NAV3: variants seen among roughly 807,000 people sequenced by gnomAD.
The protein encoded by NAV3 is pore membrane and/or filament interacting like protein 1.
A neutral mutation model predicts 244.7 loss-of-function variants in NAV3; 87 were observed. That is an observed-to-expected ratio of 0.36 (90% CI 0.30 to 0.42). The LOEUF (loss-of-function observed/expected upper bound fraction) is 0.42. NAV3 is among the 20% of genes least tolerant of loss of function. NAV3 has a pLI of 1.00. For synonymous variants in NAV3, 1,126 were observed against 1,042.2 expected, an observed-to-expected ratio of 1.08 and a Z score of -1.55; for missense variants, 2,663 against 2,893.3, an observed-to-expected ratio of 0.92 and a Z score of 1.83.
chr12:77,761,842 G>A (rs1869483261), intron 2 of NAV3, among the ~76,000 whole-genome samples: 1 of 152,212 alleles, frequency 6.6e-6, no homozygotes, highest in Non-Finnish European at 1.5e-5. Flanking sequence ...GTGTAAATTA[G>A]TTTAACCATT....
At position 78,067,097 on chromosome 12, in the gene NAV3, C is replaced by T. The variant is rs867454462; in HGVS notation, c.2636+7982C>T. Among the ~76,000 whole-genome samples the T allele has an allele frequency of 3.5e-4, 54 of 152,118 alleles. No homozygotes were observed. The Middle Eastern group carries it at 0.01, about 29-fold the overall frequency. On this transcript the variant is annotated intron_variant, in intron 12 of 39. Coordinates refer to ENST00000397909, the MANE Select transcript of NAV3 (RefSeq NM_001024383.2). ...AAGGCAACAGAGATTTTTCCTAAGC[C>T]GCCAAGCAAATATCTCTGGGATCAG...
intron 4 of NAV3, among the ~76,000 whole-genome samples, chr12:77,967,718 T>C (rs1892640947): frequency 1.3e-5 from 2 of 152,138 alleles, no homozygotes; most frequent in African/African-American, 4.8e-5. Context: ...TGTAGGCTTA[T>C]GTGTACCCTA....
At chr12:77,761,266 T>C (rs1007724692) in intron 2 of NAV3, among the ~76,000 whole-genome samples, 2 of 152,170 alleles carry the variant, frequency 1.3e-5, no homozygotes, top group Non-Finnish European at 2.9e-5. Flanking sequence ...TTCACCATGT[T>C]GGCCAGGCTG....
In NAV3 at chr12:78,178,164, T is replaced by G. The variant is rs998026318; in HGVS notation, c.5363+479T>G. ...CTCTATCTTCCTCAAAATAGTGTTTTTTTTTTTTTTTTTGAAACAAAGTCT... is the reference window on the plus strand; with the variant it reads ...CTCTATCTTCCTCAAAATAGTGTTTGTTTTTTTTTTTTTGAAACAAAGTCT... On this transcript the variant is annotated intron_variant, in intron 28 of 39. Transcript: ENST00000397909. Among the ~76,000 whole-genome samples the G allele has an allele frequency of 1.1e-3, 159 of 150,002 alleles. 1 individual carries two copies. Among genetic ancestry groups the G allele is most frequent in the African/African-American group, 3.4e-3 (137 of 40,788 alleles).
rs17044493 is a variant in NAV3 at position 77,933,616 on chromosome 12, T to A, written c.244-6703T>A. On this transcript the variant is annotated intron_variant, in intron 1 of 39. Transcript: ENST00000397909. ...ATTGAGGTGAACTATCTGTACAGAC[T>A]GAGGTGAACTAGCTAGATGGTGAAT... Among the ~76,000 whole-genome samples the A allele has an allele frequency of 5.7e-3, 866 of 152,312 alleles. 8 individuals carry two copies. The highest frequency in any genetic ancestry group is 0.02 in the African/African-American group (824 of 41,574).
intron 2 of NAV3, among the ~76,000 whole-genome samples, chr12:77,716,672 A>G (rs939506468): frequency 3.9e-5 from 6 of 152,020 alleles, no homozygotes; most frequent in Admixed American, 3.3e-4. Context: ...AATGATCAAA[A>G]TTCCCAATTA....
intron 30 of NAV3, 134 bp downstream of exon 30, chr12:78,181,179 C>A: frequency 1.3e-6 from 1 of 751,812 alleles, no homozygotes; most frequent in South Asian, 2.2e-5. Flanking sequence ...CTAGTTTGAT[C>A]TTATAAATCT....
At chr12:78,159,790 A>G (rs1957450462) in intron 23 of NAV3, among the ~76,000 whole-genome samples, 1 of 152,196 alleles carries the variant, frequency 6.6e-6, no homozygotes, top group Admixed American at 6.6e-5. Flanking sequence ...AAGGCAAACA[A>G]AATCCTTGCT....
rs2137262863 is a variant in NAV3, at chr12:78,051,104, G to A, written c.2473G>A (p.Asp825Asn). ...TGTGGGTGGATATATGAGTGATGGT[G>A]ATATCCTTGGGAAAAGTCTCAGGAC... ...VDVGGYMSDG[D>N]ILGKSLRTDD... Residue 825 changes from aspartate to asparagine, a missense_variant, in exon 11 of 40, where the codon GAT (aspartate) becomes AAT (asparagine). Physicochemically the swap from Asp to Asn is conservative, Grantham distance 23. Coordinates refer to ENST00000397909, the MANE Select transcript of NAV3 (RefSeq NM_001024383.2). The A allele has an allele frequency of 6.2e-7, 1 of 1,613,210 alleles. No individual in the cohort carries two copies. Among genetic ancestry groups the A allele is most frequent in the Non-Finnish European group, 8.5e-7 (1 of 1,179,224 alleles).
At chr12:77,857,001 T>G (rs1277339488) in intron 1 of NAV3, among the ~76,000 whole-genome samples, 4 of 152,280 alleles carry the variant, frequency 2.6e-5, no homozygotes, top group Admixed American at 6.5e-5. Context: ...TTGCATTGAA[T>G]AAATCTGTTA....
intron 3 of NAV3, 108 bp from the exon 4 acceptor site, chr12:77,966,121 G>T: frequency 1.1e-6 from 1 of 942,188 alleles, no homozygotes; most frequent in Non-Finnish European, 1.7e-6. Context: ...AGTATGAAAT[G>T]AATGTAAACT....
chr12:77,930,629 T>G (rs1385221621), intron 1 of NAV3, among the ~76,000 whole-genome samples: 1 of 152,226 alleles, frequency 6.6e-6, no homozygotes, highest in African/African-American at 2.4e-5. Context: ...CACTGAACTT[T>G]CCTTATCATC....
chr12:78,174,547 G>A (rs763535889), intron 24 of NAV3, among the ~76,000 whole-genome samples: 4 of 151,866 alleles, frequency 2.6e-5, no homozygotes, highest in South Asian at 4.2e-4. Flanking sequence ...TAGGTACTCC[G>A]GGGGCATATC....
At chr12:77,698,211 T>C (rs1254734069) in intron 2 of NAV3, among the ~76,000 whole-genome samples, 1 of 152,174 alleles carries the variant, frequency 6.6e-6, no homozygotes. Flanking sequence ...CATCTCATCC[T>C]GTTCCATTCT....
intron 2 of NAV3, among the ~76,000 whole-genome samples, chr12:77,759,008 A>G (rs1350237968): frequency 3.3e-5 from 5 of 152,186 alleles, no homozygotes; most frequent in East Asian, 1.9e-4. Context: ...TGTGGTCTCA[A>G]TTTGGGCTGG....
At chr12:78,142,323 G>A (rs1956650461) in intron 20 of NAV3, among the ~76,000 whole-genome samples, 1 of 151,964 alleles carries the variant, frequency 6.6e-6, no homozygotes, top group Admixed American at 6.6e-5. Context: ...CAGATTACTA[G>A]TCTACCAGTG....
chr12:77,751,136 A>G (rs1448019322), intron 2 of NAV3, among the ~76,000 whole-genome samples: 1 of 152,196 alleles, frequency 6.6e-6, no homozygotes, highest in Non-Finnish European at 1.5e-5. Flanking sequence ...TAGGCATATG[A>G]AAGTTGAGTT....
chr12:78,209,309 C>G (rs1460975452), intron 39 of NAV3, among the ~76,000 whole-genome samples: 2 of 151,734 alleles, frequency 1.3e-5, no homozygotes, highest in Admixed American at 1.3e-4. Context: ...AACATATGAC[C>G]AAGGAATCGT....
intron 2 of NAV3, among the ~76,000 whole-genome samples, chr12:77,799,307 T>G (rs1871583317): frequency 1.3e-5 from 2 of 152,330 alleles, no homozygotes; most frequent in Admixed American, 6.5e-5. Context: ...CTTTTGAGCC[T>G]CCCTCGCTTT....
Sources: gnomAD v4.1 joint callset for allele counts (sites outside exome capture counted in the v4.1 genomes callset) on GRCh38, gnomAD v4.1.1 for gene constraint, MANE v1.5 for transcripts, NCBI Gene and HGNC (gene_info 2026-07-23, HGNC 2026-07-21) for gene names.